The following CTNNA3 variants were observed in gnomAD, a reference collection of about 807,000 sequenced individuals.
The protein encoded by CTNNA3 is catenin alpha 3.
A neutral mutation model predicts 95.7 loss-of-function variants in CTNNA3; 76 were observed. The observed-to-expected ratio is 0.79, with a 90% CI of 0.66 to 0.96. The LOEUF is 0.96. Among genes scored for constraint, CTNNA3 ranks in the 40% least tolerant of loss-of-function variants. The probability of loss-of-function intolerance (pLI) is 0.00; values close to 1 mark genes in which losing one functional copy is unlikely to be tolerated. For missense variants in CTNNA3, 1,191 were observed against 1,089.8 expected (o/e 1.09, Z -1.31); for synonymous variants, 431 against 374.4 (o/e 1.15, Z -1.74).
chr10:67,430,528 A>T (rs548624340), intron 5 of CTNNA3, among the ~76,000 whole-genome samples: 1 of 151,952 alleles, frequency 6.6e-6, no homozygotes. Context: ...ATTTAATAGT[A>T]CCCAGAATTT....
At chr10:66,753,255 C>T (rs1333317834) in intron 9 of CTNNA3, among the ~76,000 whole-genome samples, 1 of 152,174 alleles carries the variant, frequency 6.6e-6, no homozygotes, top group Non-Finnish European at 1.5e-5. Context: ...TTGCTTTCTT[C>T]ACTGTTAGCC....
chr10:66,451,859 G>A (rs1019820103), intron 11 of CTNNA3, among the ~76,000 whole-genome samples: 1 of 152,098 alleles, frequency 6.6e-6, no homozygotes, highest in African/African-American at 2.4e-5. Context: ...ATCCCGACAG[G>A]GCCAAACTCT....
chr10:66,442,686 A>T (rs1259654109), intron 11 of CTNNA3, among the ~76,000 whole-genome samples: 1 of 152,190 alleles, frequency 6.6e-6, no homozygotes, highest in Admixed American at 6.5e-5. Context: ...TGGAGCCAAG[A>T]TGGCCGAATA....
At chr10:65,994,929 A>G (rs887678333) in intron 15 of CTNNA3, among the ~76,000 whole-genome samples, 1 of 152,132 alleles carries the variant, frequency 6.6e-6, no homozygotes, top group African/African-American at 2.4e-5. Context: ...TGTGCATAAT[A>G]AAATCTGTTG....
rs140349057 is a variant in CTNNA3, at chr10:67,227,192, A to G, written c.580-7322T>C. On this transcript the variant is annotated intron_variant, in intron 5 of 17. Coordinates refer to ENST00000433211, the MANE Select transcript of CTNNA3 (RefSeq NM_013266.4). The stretch of plus-strand genomic sequence containing the variant: ...CCACAACCTCTGCCTCCCAGTTTCA[A>G]GCGATTCTCCTGCCTCAGCCTCCCA... Among the ~76,000 whole-genome samples the G allele has an allele frequency of 3.8e-3, 581 of 151,796 alleles. 5 individuals carry two copies. Among genetic ancestry groups the G allele is most frequent in the African/African-American group, 0.013 (556 of 41,364 alleles).
intron 7 of CTNNA3, among the ~76,000 whole-genome samples, chr10:67,007,609 G>T (rs1160613319): frequency 1.3e-5 from 2 of 151,742 alleles, no homozygotes; most frequent in Non-Finnish European, 2.9e-5. Flanking sequence ...TAAGGTAAAG[G>T]CTTTTTTCTG....
intron 6 of CTNNA3, among the ~76,000 whole-genome samples, chr10:67,215,787 G>A (rs115260923): frequency 0.016 from 2,412 of 152,170 alleles, 70 homozygotes; most frequent in African/African-American, 0.053. Flanking sequence ...TGTATCTTAC[G>A]GGACTTTCCA....
chr10:66,698,829 A>T (rs1196921828), intron 9 of CTNNA3, among the ~76,000 whole-genome samples: 1 of 152,178 alleles, frequency 6.6e-6, no homozygotes, highest in East Asian at 1.9e-4. Flanking sequence ...GAAACAAAAC[A>T]TCCAAGAAAC....
intron 7 of CTNNA3, among the ~76,000 whole-genome samples, chr10:67,161,928 G>A (rs1422546870): frequency 6.6e-6 from 1 of 152,106 alleles, no homozygotes; most frequent in Non-Finnish European, 1.5e-5. Flanking sequence ...TTACTCAGGA[G>A]AGAGGGAGAC....
At chr10:67,566,722 G>A (rs1022468884) in intron 3 of CTNNA3, among the ~76,000 whole-genome samples, 1 of 152,036 alleles carries the variant, frequency 6.6e-6, no homozygotes, top group African/African-American at 2.4e-5. Context: ...ACATGCACAT[G>A]TATGTTTATT....
chr10:66,443,309 A>T, intron 11 of CTNNA3, among the ~76,000 whole-genome samples: 1 of 152,132 alleles, frequency 6.6e-6, no homozygotes, highest in Non-Finnish European at 1.5e-5. Flanking sequence ...GAAGAGAGTA[A>T]TGGTTCTCCC....
rs1211715151 is a variant in CTNNA3 at position 66,514,831 on chromosome 10, T to C, written c.1531+5786A>G. On this transcript the variant is annotated intron_variant, in intron 11 of 17. Coordinates refer to ENST00000433211, the MANE Select transcript of CTNNA3 (RefSeq NM_013266.4). ...AATCATTCATCCCTTCTATCAAAGT[T>C]TGTAGCTCATGATGAGTCAGTTTAT... 3.9e-5 allele frequency among the ~76,000 whole-genome samples: 6 copies of C among 152,160 alleles called. No individual in the cohort carries two copies. The East Asian group carries it at 5.8e-4, about 15-fold the overall frequency.
intron 7 of CTNNA3, among the ~76,000 whole-genome samples, chr10:66,978,571 A>ATATATATATATATATATAT (rs1850220512): frequency 7.4e-6 from 1 of 136,004 alleles, no homozygotes; most frequent in African/African-American, 2.7e-5. Context: ...ATATATATAT[A>ATATATATATATATATATAT]GTATGGTGTA....
chr10:66,363,479 C>T (rs1313198196), intron 12 of CTNNA3, among the ~76,000 whole-genome samples: 1 of 152,154 alleles, frequency 6.6e-6, no homozygotes, highest in Non-Finnish European at 1.5e-5. Context: ...AAAGAGGGCC[C>T]TCACCAGATG....
chr10:66,180,067 G>A (rs994870679), intron 13 of CTNNA3, among the ~76,000 whole-genome samples: 2 of 152,034 alleles, frequency 1.3e-5, no homozygotes, highest in South Asian at 2.1e-4. Context: ...ACCTAATGGC[G>A]GCATATTATG....
chr10:65,939,851 G>A (rs924287091), intron 17 of CTNNA3, among the ~76,000 whole-genome samples: 4 of 152,050 alleles, frequency 2.6e-5, no homozygotes, highest in African/African-American at 9.7e-5. Context: ...ATGCAGTGTG[G>A]TGGTATTTTG....
chr10:67,170,886 C>T (rs1448151027), intron 7 of CTNNA3, among the ~76,000 whole-genome samples: 1 of 152,094 alleles, frequency 6.6e-6, no homozygotes, highest in Non-Finnish European at 1.5e-5. Context: ...TATGGTTAGT[C>T]CAGCTACACT....
At chr10:67,136,675 A>C (rs1860321956) in intron 7 of CTNNA3, among the ~76,000 whole-genome samples, 1 of 152,160 alleles carries the variant, frequency 6.6e-6, no homozygotes, top group African/African-American at 2.4e-5. Flanking sequence ...ATACTCTAGA[A>C]AAGTCTTTCA....
chr10:66,833,397 G>T (rs920570834), intron 7 of CTNNA3, among the ~76,000 whole-genome samples: 8 of 152,136 alleles, frequency 5.3e-5, no homozygotes, highest in African/African-American at 1.7e-4. Context: ...AAGCATAATT[G>T]CACTGACTAC....
Sources: allele counts gnomAD v4.1 joint callset (sites outside exome capture counted in the v4.1 genomes callset), GRCh38; gene constraint gnomAD v4.1.1; transcripts MANE v1.5; gene names NCBI Gene and HGNC (gene_info 2026-07-23, HGNC 2026-07-21).